ADGRL2: variants seen among roughly 807,000 people sequenced by gnomAD.
The protein encoded by ADGRL2 is adhesion G protein-coupled receptor L2, also known as calcium-independent alpha-latrotoxin receptor 2.
Under a neutral mutation model 157.4 loss-of-function variants are expected in ADGRL2, and 44 were observed. That is an observed-to-expected ratio of 0.28 (90% CI 0.22 to 0.36). The LOEUF is 0.36. Among genes scored for constraint, ADGRL2 ranks in the 10% least tolerant of loss-of-function variants. The probability of loss-of-function intolerance (pLI) is 1.00; values close to 1 mark genes in which losing one functional copy is unlikely to be tolerated. For missense variants in ADGRL2, 1,510 were observed against 1,768.9 expected (o/e 0.85, Z 2.63); for synonymous variants, 585 against 624.7 (o/e 0.94, Z 0.95).
intron 3 of ADGRL2, among the ~76,000 whole-genome samples, chr1:81,610,433 C>G (rs1179838576): frequency 6.6e-6 from 1 of 151,918 alleles, no homozygotes; most frequent in Non-Finnish European, 1.5e-5. Context: ...CGGCACAAGT[C>G]CAGTGTGACT....
rs144340244 is a variant in ADGRL2, at chr1:81,537,294, T to C, written c.-247-43582T>C. 4.1e-3 allele frequency among the ~76,000 whole-genome samples: 617 copies of C among 152,272 alleles called. 4 individuals carry two copies. Among genetic ancestry groups the C allele is most frequent in the Non-Finnish European group, 6.5e-3 (443 of 68,018 alleles). On this transcript the variant is annotated intron_variant, in intron 2 of 24. Transcript: ENST00000370721. ...TTTCTTTTTTTTGTTTGTTTTGTTT[T>C]GTTTTTGAGATGGAATTTCGCTCTT...
intron 2 of ADGRL2, among the ~76,000 whole-genome samples, chr1:81,577,676 C>T (rs1015717646): frequency 6.6e-6 from 1 of 152,180 alleles, no homozygotes; most frequent in African/African-American, 2.4e-5. Flanking sequence ...CTTCTCTATG[C>T]TCATGTACCA....
Position 81,986,879 on chromosome 1 carries a change from TTG to T in ADGRL2, c.3509-20_3509-19del. 8 of 1,590,044 alleles carry T rather than the reference TTG, an allele frequency of 5.0e-6. No homozygotes were observed. The African/African-American group carries it at 5.5e-5, about 11-fold the overall frequency. On this transcript the variant is annotated intron_variant, in intron 21 of 23. Coordinates refer to ENST00000686636, the MANE Select transcript of ADGRL2 (RefSeq NM_001366006.2). ...TGATGTACTTTTCTCTGTTTTTTTG[TTG>T]TTTTTTTTTTTTACTTTAGGAATGA...
chr1:81,338,953 T>G (rs1661853537), intron 1 of ADGRL2, among the ~76,000 whole-genome samples: 1 of 152,200 alleles, frequency 6.6e-6, no homozygotes, highest in Non-Finnish European at 1.5e-5. Context: ...CTCATTACAC[T>G]ATTATTATTG....
intron 1 of ADGRL2, among the ~76,000 whole-genome samples, chr1:81,436,622 C>T (rs1352901415): frequency 2.6e-5 from 4 of 152,180 alleles, no homozygotes; most frequent in Admixed American, 1.3e-4. Context: ...ATGGGGAAAG[C>T]AGAGGCCCAG....
intron 11 of ADGRL2, among the ~76,000 whole-genome samples, chr1:81,959,692 A>C (rs1654700612): frequency 6.6e-6 from 1 of 152,226 alleles, no homozygotes; most frequent in Non-Finnish European, 1.5e-5. Context: ...AAAATAACAA[A>C]ACGTTTCAAA....
At chr1:81,898,371 T>G (rs1464277472) in intron 2 of ADGRL2, among the ~76,000 whole-genome samples, 1 of 152,222 alleles carries the variant, frequency 6.6e-6, no homozygotes, top group African/African-American at 2.4e-5. Context: ...TTCTGAATTA[T>G]TTGCATAAGA....
At chr1:81,491,055 A>G (rs557402169) in intron 2 of ADGRL2, among the ~76,000 whole-genome samples, 1 of 152,230 alleles carries the variant, frequency 6.6e-6, no homozygotes, top group East Asian at 1.9e-4. Flanking sequence ...TTGTGATAAA[A>G]TGTTTCCAGT....
At chr1:81,349,367 T>C (rs1380897626) in intron 1 of ADGRL2, among the ~76,000 whole-genome samples, 1 of 152,176 alleles carries the variant, frequency 6.6e-6, no homozygotes, top group Non-Finnish European at 1.5e-5. Context: ...ATTCATGTTG[T>C]CTTAGGATGT....
At chr1:81,522,210 C>G (rs933998260) in intron 2 of ADGRL2, among the ~76,000 whole-genome samples, 1 of 152,014 alleles carries the variant, frequency 6.6e-6, no homozygotes, top group African/African-American at 2.4e-5. Context: ...GGTGATCTGC[C>G]CACCTCAGCC....
upstream of ADGRL2, among the ~76,000 whole-genome samples, chr1:81,698,741 A>G (rs1027455352): frequency 4.6e-5 from 7 of 152,286 alleles, no homozygotes; most frequent in East Asian, 5.8e-4. Context: ...ATTTAGCCCT[A>G]TATTTTTTAT....
intron 2 of ADGRL2, among the ~76,000 whole-genome samples, chr1:81,865,329 A>AT (rs1388265754): frequency 3.9e-5 from 6 of 152,220 alleles, no homozygotes; most frequent in Non-Finnish European, 7.4e-5. Flanking sequence ...TCCTCCTGAT[A>AT]TAAAGATAAA....
intron 2 of ADGRL2, among the ~76,000 whole-genome samples, chr1:81,568,061 A>G (rs371842760): frequency 1.3e-5 from 2 of 151,548 alleles, no homozygotes; most frequent in Middle Eastern, 3.4e-3. Flanking sequence ...AATGGCTTCG[A>G]AAAAAAAATC....
At chr1:81,610,403 G>T (rs551812578) in intron 3 of ADGRL2, among the ~76,000 whole-genome samples, 35 of 152,194 alleles carry the variant, frequency 2.3e-4, no homozygotes, top group African/African-American at 8.4e-4. Context: ...GCAAAAGTGA[G>T]CTTGATGTGT....
chr1:81,947,737 A>G (rs191571405), intron 6 of ADGRL2, among the ~76,000 whole-genome samples: 141 of 152,270 alleles, frequency 9.3e-4, no homozygotes, highest in African/African-American at 3.0e-3. Context: ...GAGGAAAAAA[A>G]GTTGCTTTTC....
At chr1:81,650,932 T>A (rs80179865) in intron 3 of ADGRL2, among the ~76,000 whole-genome samples, 11,785 of 152,224 alleles carry the variant, frequency 0.077, 621 homozygotes, top group Middle Eastern at 0.15. Context: ...ATTTGCAGTT[T>A]TTGCCCTCCC....
chr1:81,881,078 G>T (rs983264088), intron 2 of ADGRL2, among the ~76,000 whole-genome samples: 1 of 152,190 alleles, frequency 6.6e-6, no homozygotes, highest in Non-Finnish European at 1.5e-5. Flanking sequence ...ATATTGTTAT[G>T]AATGGTAGGG....
At chr1:81,373,768 T>C (rs1221913675) in intron 1 of ADGRL2, among the ~76,000 whole-genome samples, 1 of 152,216 alleles carries the variant, frequency 6.6e-6, no homozygotes, top group Non-Finnish European at 1.5e-5. Context: ...AAATGTTTGT[T>C]TTCAACAAGA....
chr1:81,801,220 G>A (rs1035547597), intron 1 of ADGRL2, among the ~76,000 whole-genome samples, 152 bp downstream of exon 1: 1 of 152,216 alleles, frequency 6.6e-6, no homozygotes, highest in African/African-American at 2.4e-5. Flanking sequence ...CTTCTTTTGA[G>A]TTTGCCCGAG....
Sources: gnomAD v4.1 joint callset for allele counts (sites outside exome capture counted in the v4.1 genomes callset) on GRCh38, gnomAD v4.1.1 for gene constraint, MANE v1.5 for transcripts, NCBI Gene and HGNC (gene_info 2026-07-23, HGNC 2026-07-21) for gene names.